Variants in DECR2 observed in about 807,000 individuals in gnomAD.
The protein encoded by DECR2 is peroxisomal 2,4-dienoyl-CoA reductase [(3E)-enoyl-CoA-producing].
Under a neutral mutation model 29.2 loss-of-function variants are expected in DECR2, and 34 were observed. The observed-to-expected ratio is 1.16, with a 90% CI of 0.89 to 1.55. The LOEUF (loss-of-function observed/expected upper bound fraction) is 1.55, where lower values mean the gene tolerates loss of function less well. Among genes scored for constraint, DECR2 ranks in the 40% most tolerant of loss-of-function variants. The probability of loss-of-function intolerance (pLI) is 0.00; values close to 1 mark genes in which losing one functional copy is unlikely to be tolerated. For synonymous variants in DECR2, 224 were observed against 182.7 expected (o/e 1.23, Z -1.82); for missense variants, 485 against 425.3 (o/e 1.14, Z -1.23).
intron 1 of DECR2, among the ~76,000 whole-genome samples, chr16:402,369 G>C (rs550189061): frequency 6.6e-6 from 1 of 151,730 alleles, no homozygotes; most frequent in Non-Finnish European, 1.5e-5. Flanking sequence ...CCTGACCTCA[G>C]GTGATCCACC....
At chr16:408,480 C>A (rs1477485222) in intron 4 of DECR2, among the ~76,000 whole-genome samples, 1 of 151,796 alleles carries the variant, frequency 6.6e-6, no homozygotes. Flanking sequence ...GTCGGGTGCC[C>A]TTGTGTCCTG....
chr16:410,788 T>C lies in DECR2; in HGVS notation c.556+4T>C. Reference sequence around the variant, plus strand: ...GGCTCCGCCAAGGCCGCTGTGGGTATGACCACCCCCCCCCGCCCAGGTTTG... The same window carrying C: ...GGCTCCGCCAAGGCCGCTGTGGGTACGACCACCCCCCCCCGCCCAGGTTTG... On this transcript the variant is annotated splice_donor_region_variant and intron_variant, in intron 6 of 8. Coordinates refer to ENST00000219481, the MANE Select transcript of DECR2 (RefSeq NM_020664.4). This position sits in a 1 kb window ranked among gnomAD's most constrained non-coding sequence, Gnocchi z 4.1. The C allele has an allele frequency of 6.3e-7, 1 of 1,587,556 alleles. No homozygotes were observed. Among genetic ancestry groups the C allele is most frequent in the Non-Finnish European group, 8.6e-7 (1 of 1,168,498 alleles).
chr16:403,455 A>G (rs1409542478), intron 1 of DECR2, among the ~76,000 whole-genome samples: 1 of 152,224 alleles, frequency 6.6e-6, no homozygotes, highest in East Asian at 1.9e-4. Flanking sequence ...TCTCTAATAA[A>G]TAAAAAAGCC....
Position 407,383 on chromosome 16 carries a change from G to A in DECR2, c.202-42G>A, listed in dbSNP as rs201654537. 92 of 1,568,238 alleles carry A rather than the reference G, an allele frequency of 5.9e-5. No homozygotes were observed. The East Asian group carries it at 1.5e-3, about 25-fold the overall frequency. On this transcript the variant is annotated intron_variant, in intron 3 of 8. Coordinates refer to ENST00000219481, the MANE Select transcript of DECR2 (RefSeq NM_020664.4). ...ATTCCAAAGGCCTTTTCTCCAGGCC[G>A]AGGCTGCAGGGCTGCTGTCTGCCTC... is the stretch of plus-strand genomic sequence containing the variant.
In DECR2 at chr16:410,461, TGTGA is replaced by T. The variant is rs2054799727; in HGVS notation, c.462+96_462+99del. 2.0e-5 allele frequency: 32 copies of T among 1,567,140 alleles called. No homozygotes were observed. The highest frequency in any genetic ancestry group is 1.4e-4 in the East Asian group (6 of 43,884). On this transcript the variant is annotated intron_variant, in intron 5 of 8. Coordinates refer to ENST00000219481, the MANE Select transcript of DECR2 (RefSeq NM_020664.4). The surrounding 1 kb of genome is among the most constrained non-coding windows in gnomAD (Gnocchi z 4.1). Reference sequence around the variant, plus strand: ...TTCCGGGTGGGTGCCTTGTGCGCTCTGTGAGAAGTTCTTCCGGGTGGGTGTACTC... The same window carrying T: ...TTCCGGGTGGGTGCCTTGTGCGCTCTGAAGTTCTTCCGGGTGGGTGTACTC...
At position 411,531 on chromosome 16, in the gene DECR2, G is replaced by A. The variant is rs780647910; in HGVS notation, c.832G>A (p.Gly278Ser). ...CGGGGCATGGTTGACGTTCCCAAAC[G>A]GTGTCAAAGGGCTGCCGGATTTCGC... ...DGGAWLTFPN[G>S]VKGLPDFASF... The change falls in exon 8 of 9, where the codon GGT becomes AGT. Residue 278 changes from glycine to serine, a missense_variant. Transcript: ENST00000219481. The A allele has an allele frequency of 6.2e-6, 10 of 1,613,900 alleles. No homozygotes were observed. Among genetic ancestry groups the A allele is most frequent in the African/African-American group, 4.0e-5 (3 of 74,940 alleles).
At chr16:403,193 G>C (rs1211581008) in intron 1 of DECR2, among the ~76,000 whole-genome samples, 9 of 121,568 alleles carry the variant, frequency 7.4e-5, no homozygotes, top group Non-Finnish European at 1.5e-4. Context: ...TGGGCTAATT[G>C]TATTTCTAGT....
chr16:407,680 G>A, intron 4 of DECR2, 120 bp downstream of exon 4: 2 of 1,493,852 alleles, frequency 1.3e-6, no homozygotes, highest in Non-Finnish European at 1.8e-6. Flanking sequence ...CTGTGCTGGG[G>A]TGGGCTGCAC....
chr16:404,733 T>A lies in DECR2; in HGVS notation c.81-223T>A, dbSNP rs561413673. ...CAACATCTGCCTCCCGGGTTCAAGCTATTCTCCTGCCTCAGCCTCCCAAGT... is the reference window on the plus strand; with the variant it reads ...CAACATCTGCCTCCCGGGTTCAAGCAATTCTCCTGCCTCAGCCTCCCAAGT... On this transcript the variant is annotated intron_variant, in intron 1 of 8. Coordinates refer to ENST00000219481, the MANE Select transcript of DECR2 (RefSeq NM_020664.4). 1.1e-4 allele frequency among the ~76,000 whole-genome samples: 17 copies of A among 150,630 alleles called. No homozygotes were observed. In the South Asian group the frequency reaches 3.6e-3, roughly 32 times the overall value.
chr16:411,007 C>T lies in DECR2; in HGVS notation c.592C>T (p.Pro198Ser), dbSNP rs1306087460. Residue 198 changes from proline (P) to serine (S), a missense_variant, in exon 7 of 9, where the codon CCC (proline) becomes TCC (serine). Transcript: ENST00000219481. ...GCGGCACTTGGCTGTGGAGTGGGGTCCCCAAAACATCCGCGTCAACAGCCT... is the reference window on the plus strand; with the variant it reads ...GCGGCACTTGGCTGTGGAGTGGGGTTCCCAAAACATCCGCGTCAACAGCCT... ...MTRHLAVEWGPQNIRVNSLAP... is the reference protein window; with the variant it reads ...MTRHLAVEWGSQNIRVNSLAP... The T allele has an allele frequency of 1.2e-6, 2 of 1,603,962 alleles. No individual in the cohort carries two copies. Among genetic ancestry groups the T allele is most frequent in the East Asian group, 4.5e-5 (2 of 44,500 alleles).
chr16:406,396 C>G lies in DECR2; in HGVS notation c.200C>G (p.Thr67Arg), dbSNP rs201202534. The G allele has an allele frequency of 6.2e-7, 1 of 1,607,708 alleles. No homozygotes were observed. Among genetic ancestry groups the G allele is most frequent in the Non-Finnish European group, 8.5e-7 (1 of 1,179,872 alleles). ...IASRSLPRVL[T>R]AARKLAGATG... ...AGTAGGAGCCTGCCGCGAGTGCTGA[C>G]GGTGAGAGGGCCTCTCCCATGGTCC... Residue 67 changes from threonine to arginine, a missense_variant and splice_region_variant, in exon 3 of 9, where the codon ACG becomes AGG. Thr to Arg is a moderately conservative substitution (Grantham distance 71, BLOSUM62 -1). Transcript: ENST00000219481.
intron 8 of DECR2, 148 bp from the exon 9 acceptor site, chr16:411,742 G>T (rs987162342): frequency 1.9e-5 from 13 of 691,600 alleles, no homozygotes; most frequent in African/African-American, 9.2e-5. Flanking sequence ...GTGGGGCTGA[G>T]CAGGAGGCGG....
At chr16:402,613 C>T (rs1166100797) in intron 1 of DECR2, among the ~76,000 whole-genome samples, 4 of 151,998 alleles carry the variant, frequency 2.6e-5, no homozygotes, top group African/African-American at 9.7e-5. Context: ...CCTGCCCTCA[C>T]TCGGCTAATG....
Position 410,949 on chromosome 16 carries a change from A to G in DECR2, c.557-23A>G, listed in dbSNP as rs764338169. 1 of 1,579,104 alleles carries G rather than the reference A, an allele frequency of 6.3e-7. No individual in the cohort carries two copies. Among genetic ancestry groups the G allele is most frequent in the East Asian group, 2.3e-5 (1 of 42,926 alleles). On this transcript the variant is annotated intron_variant, in intron 6 of 8. Coordinates refer to ENST00000219481, the MANE Select transcript of DECR2 (RefSeq NM_020664.4). This position sits in a 1 kb window ranked among gnomAD's most constrained non-coding sequence, Gnocchi z 4.1. ...TCGCAGAGGGCAGAGCGGCCCTTTC[A>G]TATCCAACTTTCTTCTGTGCAGACG...
At position 401,969 on chromosome 16, in the gene DECR2, C is replaced by T. The variant is rs771608292; in HGVS notation, c.6C>T (p.Ala2=). The change falls in exon 1 of 9, where the codon GCC becomes GCT. Residue 2 remains alanine, a synonymous_variant. Coordinates refer to ENST00000219481, the MANE Select transcript of DECR2 (RefSeq NM_020664.4). The part of the protein sequence containing the change: M[A]QPPPDVEGDD... Reference sequence around the variant, plus strand: ...CAGTCCCCGACGGGAGCGCCATGGCCCAGCCGCCGCCCGACGTGGAGGGGG... The same window carrying T: ...CAGTCCCCGACGGGAGCGCCATGGCTCAGCCGCCGCCCGACGTGGAGGGGG... 5.4e-6 allele frequency: 8 copies of T among 1,489,280 alleles called. No individual in the cohort carries two copies. The South Asian group carries it at 6.3e-5, about 12-fold the overall frequency. The allele number at this position is 1,489,280 out of a possible 1,614,324, so 92.3% of individuals were successfully genotyped here.
At chr16:406,437 G>T (rs1364556571) in intron 3 of DECR2, 40 bp downstream of exon 3, 2 of 1,599,530 alleles carry the variant, frequency 1.3e-6, no homozygotes, top group Admixed American at 1.7e-5. Context: ...TCGGGTGGCT[G>T]TGGGGGGGCT....
intron 4 of DECR2, among the ~76,000 whole-genome samples, chr16:407,798 TCTGTCTCCGG>T (rs2054747014): frequency 1.9e-5 from 1 of 53,582 alleles, no homozygotes; most frequent in Non-Finnish European, 3.4e-5. Context: ...GTCTCCGGGC[TCTGTCTCCGG>T]GCCTCTGTCT....
At chr16:409,985 C>G in intron 4 of DECR2, 1 of 522,652 alleles carries the variant, frequency 1.9e-6, no homozygotes, top group Non-Finnish European at 3.4e-6. Context: ...TGCAACCCAC[C>G]CCATTTCCAA....
chr16:407,606 G>A (rs774757228), intron 4 of DECR2, 46 bp downstream of exon 4: 7 of 1,607,474 alleles, frequency 4.4e-6, no homozygotes, highest in African/African-American at 1.3e-5. Context: ...CAGGTTGGTG[G>A]TACCATTTGG....
Sources: allele counts gnomAD v4.1 joint callset (sites outside exome capture counted in the v4.1 genomes callset), GRCh38; gene constraint gnomAD v4.1.1; non-coding constraint Gnocchi (gnomAD v3.1); transcripts MANE v1.5; gene names NCBI Gene and HGNC (gene_info 2026-07-23, HGNC 2026-07-21).